Variants in SLC35F3 observed in about 807,000 individuals in gnomAD.
The protein encoded by SLC35F3 is putative thiamine transporter SLC35F3.
SLC35F3 carries 25 observed loss-of-function variants against 49.9 expected under a neutral mutation model. That is an observed-to-expected ratio of 0.50 (90% CI 0.37 to 0.70). The LOEUF (loss-of-function observed/expected upper bound fraction) is 0.70, where lower values mean the gene tolerates loss of function less well. Among genes scored for constraint, SLC35F3 ranks in the 30% least tolerant of loss-of-function variants. The pLI is 0.00. For missense variants in SLC35F3, 525 were observed against 639.8 expected (o/e 0.82, Z 1.94); for synonymous variants, 275 against 265.4 (o/e 1.04, Z -0.35).
At chr1:233,915,567 T>C (rs768897399) in intron 2 of SLC35F3, among the ~76,000 whole-genome samples, 10 of 152,090 alleles carry the variant, frequency 6.6e-5, no homozygotes, top group Non-Finnish European at 1.3e-4. Flanking sequence ...AAAAGTCCCT[T>C]GTTTCTAAAA....
chr1:234,197,293 T>C (rs552499681), intron 2 of SLC35F3, among the ~76,000 whole-genome samples: 57 of 152,192 alleles, frequency 3.7e-4, no homozygotes, highest in African/African-American at 1.3e-3. Flanking sequence ...AGCCTTGAGT[T>C]TTCTCAGACA....
At position 234,086,053 on chromosome 1, in the gene SLC35F3, G is replaced by A. The variant is rs1332172231; in HGVS notation, c.284-145364G>A. 5.9e-5 allele frequency among the ~76,000 whole-genome samples: 9 copies of A among 152,146 alleles called. No individual in the cohort carries two copies. The East Asian group carries it at 1.7e-3, about 29-fold the overall frequency. On this transcript the variant is annotated intron_variant, in intron 2 of 7. Coordinates refer to ENST00000366618, the MANE Select transcript of SLC35F3 (RefSeq NM_173508.4). The stretch of plus-strand genomic sequence containing the variant: ...ATCAGGATATATCTTGCTCATTTTT[G>A]TTCATACCCTTCCATCATACCATCC...
chr1:233,989,490 T>A (rs116249239), intron 2 of SLC35F3, among the ~76,000 whole-genome samples: 1,913 of 152,158 alleles, frequency 0.013, 18 homozygotes, highest in Non-Finnish European at 0.021. Flanking sequence ...TAAGCAAATA[T>A]TACACACAAA....
intron 3 of SLC35F3, among the ~76,000 whole-genome samples, chr1:234,270,876 A>C (rs751018043): frequency 2.6e-5 from 4 of 152,240 alleles, no homozygotes; most frequent in Non-Finnish European, 4.4e-5. Flanking sequence ...AAGCTTGATG[A>C]TGCTGCTCAG....
chr1:234,185,815 C>T (rs1474594333), intron 2 of SLC35F3, among the ~76,000 whole-genome samples: 2 of 152,216 alleles, frequency 1.3e-5, no homozygotes, highest in African/African-American at 4.8e-5. Context: ...GCCAATAATG[C>T]ATTGATTTTA....
At chr1:234,226,324 C>T (rs763863164) in intron 2 of SLC35F3, among the ~76,000 whole-genome samples, 5 of 152,076 alleles carry the variant, frequency 3.3e-5, no homozygotes, top group Admixed American at 6.5e-5. Context: ...CTTTGATCCC[C>T]GCTCTGGGTC....
At chr1:234,005,795 C>G (rs1663621708) in intron 2 of SLC35F3, among the ~76,000 whole-genome samples, 1 of 152,134 alleles carries the variant, frequency 6.6e-6, no homozygotes, top group African/African-American at 2.4e-5. Flanking sequence ...GAGATTGAGA[C>G]AGAGGTCACT....
chr1:234,038,775 A>G (rs182576040), intron 2 of SLC35F3, among the ~76,000 whole-genome samples: 71 of 152,320 alleles, frequency 4.7e-4, no homozygotes, highest in African/African-American at 1.6e-3. Context: ...GTCCATTTTG[A>G]GGTTGTTATA....
chr1:233,918,824 A>C (rs1233584116), intron 2 of SLC35F3, among the ~76,000 whole-genome samples: 93 of 147,228 alleles, frequency 6.3e-4, no homozygotes, highest in East Asian at 1.8e-3. Context: ...CTCTATATAT[A>C]TATATATATA....
At chr1:233,905,180 GAGCGCCGGGGT>G (rs1661751801) in intron 1 of SLC35F3, 50 bp downstream of exon 1, 2 of 1,542,066 alleles carry the variant, frequency 1.3e-6, no homozygotes, top group African/African-American at 2.7e-5. Context: ...CGGGAGGCCG[GAGCGCCGGGGT>G]AGCCCTTTGC....
intron 3 of SLC35F3, among the ~76,000 whole-genome samples, chr1:234,283,241 G>A (rs953051937): frequency 7.9e-5 from 12 of 152,182 alleles, no homozygotes; most frequent in African/African-American, 2.9e-4. Context: ...CCATCAGGCT[G>A]GGCCAAGCCA....
chr1:233,922,632 G>A (rs1242269864), intron 2 of SLC35F3, among the ~76,000 whole-genome samples: 2 of 151,834 alleles, frequency 1.3e-5, no homozygotes, highest in African/African-American at 4.8e-5. Flanking sequence ...CTTTTGCTGT[G>A]CAGCAACTCT....
At chr1:234,075,779 G>A (rs1368200836) in intron 2 of SLC35F3, among the ~76,000 whole-genome samples, 1 of 150,354 alleles carries the variant, frequency 6.7e-6, no homozygotes, top group Admixed American at 6.6e-5. Flanking sequence ...TTGTTCCTAA[G>A]CAGGTAGCTA....
chr1:234,217,475 C>T (rs1489910673), intron 2 of SLC35F3, among the ~76,000 whole-genome samples: 1 of 152,172 alleles, frequency 6.6e-6, no homozygotes, highest in Non-Finnish European at 1.5e-5. Context: ...GTTCTGGTAT[C>T]GAACTGAAAA....
At chr1:234,147,311 C>A (rs1458594) in intron 2 of SLC35F3, among the ~76,000 whole-genome samples, 27,899 of 140,796 alleles carry the variant, frequency 0.2, 4,051 homozygotes, top group East Asian at 0.75. Context: ...TCTTAGCTTT[C>A]TTTTATATTT....
intron 2 of SLC35F3, among the ~76,000 whole-genome samples, chr1:234,184,753 G>C (rs2102925472): frequency 6.6e-6 from 1 of 152,180 alleles, no homozygotes; most frequent in East Asian, 1.9e-4. Context: ...ATAGGTGAAA[G>C]AGCCCATGAT....
intron 2 of SLC35F3, among the ~76,000 whole-genome samples, chr1:234,003,719 G>A (rs1663587115): frequency 6.6e-6 from 1 of 152,132 alleles, no homozygotes; most frequent in Admixed American, 6.5e-5. Flanking sequence ...CAGGCTAAGG[G>A]AAGTTGTCAT....
chr1:233,969,276 C>G (rs1302295810), intron 2 of SLC35F3, among the ~76,000 whole-genome samples: 1 of 152,180 alleles, frequency 6.6e-6, no homozygotes, highest in East Asian at 1.9e-4. Flanking sequence ...ATAGGAATGG[C>G]TGATTTTCAA....
chr1:234,094,405 A>T (rs531577353), intron 2 of SLC35F3, among the ~76,000 whole-genome samples: 1 of 152,342 alleles, frequency 6.6e-6, no homozygotes, highest in African/African-American at 2.4e-5. Flanking sequence ...TAGCAAGAGC[A>T]CTATATGCTC....
Sources: gnomAD v4.1 joint callset for allele counts (sites outside exome capture counted in the v4.1 genomes callset) on GRCh38, gnomAD v4.1.1 for gene constraint, MANE v1.5 for transcripts, NCBI Gene and HGNC (gene_info 2026-07-23, HGNC 2026-07-21) for gene names.